Variants in CDC25A observed in about 807,000 individuals in gnomAD.
CDC25A encodes the protein cell division cycle 25A, also known as M-phase inducer phosphatase 1.
CDC25A carries 17 observed loss-of-function variants against 64.6 expected under a neutral mutation model. That is an observed-to-expected ratio of 0.26 (90% CI 0.18 to 0.39). CDC25A has a LOEUF of 0.39. Among genes scored for constraint, CDC25A ranks in the 10% least tolerant of loss-of-function variants. The pLI, the probability that CDC25A is intolerant of heterozygous loss-of-function variation, is 1.00. For synonymous variants in CDC25A, 229 were observed against 238.6 expected (o/e 0.96, Z 0.37); for missense variants, 473 against 654.8 (o/e 0.72, Z 3.03).
chr3:48,164,227 A>G, intron 13 of CDC25A, 80 bp downstream of exon 13: 2 of 1,346,390 alleles, frequency 1.5e-6, no homozygotes, highest in Non-Finnish European at 2.0e-6. Context: ...ATATGCTCCA[A>G]GTGCAAGCCA....
intron 2 of CDC25A, 72 bp downstream of exon 2, chr3:48,186,631 C>T (rs1306257965): frequency 1.2e-6 from 1 of 846,948 alleles, no homozygotes; most frequent in African/African-American, 1.7e-5. Flanking sequence ...CTCACCAAAA[C>T]TAACCTCCTG....
At chr3:48,162,566 G>A (rs908968521) in intron 13 of CDC25A, among the ~76,000 whole-genome samples, 1 of 152,086 alleles carries the variant, frequency 6.6e-6, no homozygotes, top group African/African-American at 2.4e-5. Context: ...AAATGGTTCA[G>A]GTCAGGCGCA....
At chr3:48,159,585 G>A (rs1488782474) in intron 13 of CDC25A, 130 bp from the exon 14 acceptor site, 3 of 646,822 alleles carry the variant, frequency 4.6e-6, no homozygotes, top group Non-Finnish European at 8.3e-6. Context: ...TTTATTCTTA[G>A]AAACAATCAG....
At chr3:48,181,285 G>GAA (rs58985893) in intron 5 of CDC25A, among the ~76,000 whole-genome samples, 1 of 131,014 alleles carries the variant, frequency 7.6e-6, no homozygotes, top group Admixed American at 7.7e-5. Flanking sequence ...TAAAAGCAAT[G>GAA]AAAAAAAAAA....
In CDC25A at chr3:48,180,502, A is replaced by T. The variant is rs1240430504; in HGVS notation, c.549+219T>A. Reference sequence around the variant, plus strand: ...TAACAAGGTCGATTATTCCTTGCACAACTCCAATATTTCAAACACCATCTC... The same window carrying T: ...TAACAAGGTCGATTATTCCTTGCACTACTCCAATATTTCAAACACCATCTC... On this transcript the variant is annotated intron_variant, in intron 6 of 14. Transcript: ENST00000302506. 6.5e-6 allele frequency: 3 copies of T among 461,076 alleles called. No homozygotes were observed. In the East Asian group the frequency reaches 9.7e-5, roughly 15 times the overall value. 28.6% of individuals were successfully genotyped at this position (461,076 alleles called of 1,614,324 possible).
At position 48,174,338 on chromosome 3, in the gene CDC25A, C is replaced by T. The variant is rs775600141; in HGVS notation, c.876G>A (p.Lys292=). 8.7e-6 allele frequency: 14 copies of T among 1,614,276 alleles called. No individual in the cohort carries two copies. In the Admixed American group the frequency reaches 2.3e-4, roughly 27 times the overall value. Residue 292 remains lysine, a synonymous_variant, in exon 9 of 15, where the codon AAG becomes AAA. Coordinates refer to ENST00000302506, the MANE Select transcript of CDC25A (RefSeq NM_001789.3). ...ESPPGSTKRR[K]SMSGASPKES... ...CTTTGGGGCTGGCCCCAGACATGCT[C>T]TTCCTCCTCTTTGTACTTCCAGGTG...
chr3:48,158,339 G>T lies in CDC25A; in HGVS notation c.*606C>A, dbSNP rs1315779019. 1 of 152,228 alleles carries T rather than the reference G, an allele frequency of 6.6e-6. No individual in the cohort carries two copies. Among genetic ancestry groups the T allele is most frequent in the African/African-American group, 2.4e-5 (1 of 41,322 alleles). The allele number at this position is 152,228 out of a possible 1,614,324, so 9.4% of individuals were successfully genotyped here. On this transcript the variant is annotated 3_prime_UTR_variant, in exon 15 of 15. Coordinates refer to ENST00000302506, the MANE Select transcript of CDC25A (RefSeq NM_001789.3). ...GCTTTCTGTCCGATAACTTATAACAGGTTTGCATTTTCTTACCCACTTCTT... is the reference window on the plus strand; with the variant it reads ...GCTTTCTGTCCGATAACTTATAACATGTTTGCATTTTCTTACCCACTTCTT...
rs187320061 is a variant in CDC25A, at chr3:48,178,777, T to G, written c.550-789A>C. Among the ~76,000 whole-genome samples, 559 of 152,316 alleles carry G rather than the reference T, an allele frequency of 3.7e-3. 2 individuals are homozygous for G. Among genetic ancestry groups the G allele is most frequent in the Middle Eastern group, 0.02 (6 of 294 alleles). On this transcript the variant is annotated intron_variant, in intron 6 of 14. Coordinates refer to ENST00000302506, the MANE Select transcript of CDC25A (RefSeq NM_001789.3). ...AGCCAACCTATAGTCATACTTTTTT[T>G]GGGAAACCTCTAAACATGGAATATA...
chr3:48,186,900 C>A, intron 1 of CDC25A, 121 bp from the exon 2 acceptor site: 2 of 648,498 alleles, frequency 3.1e-6, no homozygotes, highest in Non-Finnish European at 5.4e-6. Context: ...CTAGGCCACA[C>A]CACAAGTGGC....
At chr3:48,163,155 C>T (rs772081085) in intron 13 of CDC25A, among the ~76,000 whole-genome samples, 38 of 151,120 alleles carry the variant, frequency 2.5e-4, no homozygotes, top group Non-Finnish European at 3.7e-4. Flanking sequence ...TGGTGGTGCA[C>T]GCCTGTTATC....
Position 48,158,902 on chromosome 3 carries a change from G to T in CDC25A, c.*43C>A, listed in dbSNP as rs369158657. 5.0e-6 allele frequency: 8 copies of T among 1,610,778 alleles called. No individual in the cohort carries two copies. In the African/African-American group the frequency reaches 1.1e-4, roughly 22 times the overall value. The stretch of plus-strand genomic sequence containing the variant: ...CTCTGCAGCAAAGAGGGTAAAGGGG[G>T]ATGGAGGGAAGCTTGGGCTGCTGCT... On this transcript the variant is annotated 3_prime_UTR_variant, in exon 15 of 15. Coordinates refer to ENST00000302506, the MANE Select transcript of CDC25A (RefSeq NM_001789.3).
rs1037694368 is a variant in CDC25A at position 48,180,390 on chromosome 3, A to T, written c.549+331T>A. ...TTCCGGTTTTTGCCAGAAAGCCCTT[A>T]AAAAAAAAAAAAGAAAAAAAGAAAA... On this transcript the variant is annotated intron_variant, in intron 6 of 14. Coordinates refer to ENST00000302506, the MANE Select transcript of CDC25A (RefSeq NM_001789.3). 86 of 144,832 alleles carry T rather than the reference A, an allele frequency of 5.9e-4. 1 individual carries two copies. In the Middle Eastern group the frequency reaches 0.01, roughly 17 times the overall value. 9.0% of individuals were successfully genotyped at this position (144,832 alleles called of 1,614,324 possible).
At chr3:48,166,551 A>C (rs1217476949) in intron 10 of CDC25A, among the ~76,000 whole-genome samples, 2 of 152,120 alleles carry the variant, frequency 1.3e-5, no homozygotes, top group Non-Finnish European at 2.9e-5. Flanking sequence ...TACAGATTTC[A>C]CTCATTTACT....
chr3:48,186,800 C>T (rs1351403409), intron 1 of CDC25A, 21 bp from the exon 2 acceptor site: 5 of 1,480,616 alleles, frequency 3.4e-6, no homozygotes, highest in Non-Finnish European at 3.7e-6. Flanking sequence ...CAGAAATAAA[C>T]CATGAATGAT....
chr3:48,187,835 C>T lies in CDC25A; in HGVS notation c.113G>A (p.Gly38Glu). The T allele has an allele frequency of 6.5e-7, 1 of 1,548,846 alleles. No homozygotes were observed. Among genetic ancestry groups the T allele is most frequent in the Non-Finnish European group, 8.7e-7 (1 of 1,145,882 alleles). ...GGTCAGGTTGGTGACAGGCGACAGT[C>T]CCCCGGCGGCTGAAGCGCCAAATAG... is the stretch of plus-strand genomic sequence containing the variant. Reference protein sequence around the residue: ...KALFGASAAGGLSPVTNLTVT... With the variant: ...KALFGASAAGELSPVTNLTVT... The change falls in exon 1 of 15, where the codon GGA (glycine) becomes GAA (glutamate). Residue 38 changes from glycine (G) to glutamate (E), a missense_variant. Gly to Glu is a moderately conservative substitution (Grantham distance 98, BLOSUM62 -2). Transcript: ENST00000302506.
At chr3:48,162,415 G>A (rs1021731091) in intron 13 of CDC25A, among the ~76,000 whole-genome samples, 11 of 151,874 alleles carry the variant, frequency 7.2e-5, no homozygotes, top group Non-Finnish European at 8.8e-5. Flanking sequence ...ATTTTTTGTA[G>A]AGGTGTGGTC....
intron 12 of CDC25A, among the ~76,000 whole-genome samples, chr3:48,165,107 CAAAAA>C (rs11370901): frequency 1.2e-5 from 1 of 84,970 alleles, no homozygotes; most frequent in Non-Finnish European, 2.3e-5. Flanking sequence ...GACTCTGTCT[CAAAAA>C]AAAAAAAAAA....
intron 9 of CDC25A, among the ~76,000 whole-genome samples, chr3:48,171,643 T>G (rs1031308198): frequency 2.0e-5 from 3 of 152,202 alleles, no homozygotes; most frequent in Middle Eastern, 3.4e-3. Context: ...CCTCCCAAAG[T>G]GCTGGGATTA....
chr3:48,187,591 C>A (rs1432720802), intron 1 of CDC25A, among the ~76,000 whole-genome samples, 187 bp downstream of exon 1: 6 of 152,254 alleles, frequency 3.9e-5, no homozygotes, highest in African/African-American at 1.4e-4. Flanking sequence ...AAGGTCCCGA[C>A]GGCCTCTCCC....
Sources: gnomAD v4.1 joint callset for allele counts (sites outside exome capture counted in the v4.1 genomes callset) on GRCh38, gnomAD v4.1.1 for gene constraint, MANE v1.5 for transcripts, NCBI Gene and HGNC (gene_info 2026-07-23, HGNC 2026-07-21) for gene names.